The following GDAP1 variants were observed in gnomAD, a reference collection of about 807,000 sequenced individuals.
GDAP1 encodes ganglioside-induced differentiation-associated protein 1.
GDAP1 carries 34 observed loss-of-function variants against 40.1 expected under a neutral mutation model. The ratio of observed to expected loss-of-function variants is 0.85; its 90% CI spans 0.64 to 1.13. The LOEUF is 1.13. GDAP1 is among the 50% of genes most tolerant of loss of function. The pLI is 0.00. For synonymous variants in GDAP1, 170 were observed against 157.4 expected (o/e 1.08, Z -0.60); for missense variants, 374 against 433.7 (o/e 0.86, Z 1.22).
chr8:74,422,341 CTTTCTTT>C (rs1805880973), intron 2 of GDAP1, among the ~76,000 whole-genome samples: 3 of 54,388 alleles, frequency 5.5e-5, no homozygotes, highest in Admixed American at 2.3e-4. Flanking sequence ...TTCTTTCTTT[CTTTCTTT>C]CTTCCCTTCC....
intron 2 of GDAP1, among the ~76,000 whole-genome samples, chr8:74,398,165 A>C (rs899249226): frequency 2.6e-5 from 4 of 151,804 alleles, no homozygotes; most frequent in Non-Finnish European, 5.9e-5. Context: ...TTTGTCTGTT[A>C]TTGGTGTATA....
At chr8:74,487,881 A>G (rs1451293707) in intron 2 of GDAP1, among the ~76,000 whole-genome samples, 1 of 152,192 alleles carries the variant, frequency 6.6e-6, no homozygotes, top group Non-Finnish European at 1.5e-5. Flanking sequence ...GTTGAAAGAC[A>G]TGCTTGCCTA....
Position 74,364,846 on chromosome 8 carries a change from T to G in GDAP1, c.*479T>G. The G allele has an allele frequency of 2.2e-6, 1 of 454,500 alleles. No homozygotes were observed. 28.2% of individuals were successfully genotyped at this position (454,500 alleles called of 1,614,324 possible). A position where few individuals can be genotyped will look rare whatever the true frequency, so the allele number is the denominator to read the frequency against. On this transcript the variant is annotated 3_prime_UTR_variant, in exon 6 of 6. Coordinates refer to ENST00000220822, the MANE Select transcript of GDAP1 (RefSeq NM_018972.4). ...TGACCTCAGTGTTAATTTTAAATGC[T>G]TATGAATCACACACATTGCTTTAGT...
chr8:74,368,290 C>T (rs1050616601), downstream of GDAP1, among the ~76,000 whole-genome samples: 5 of 152,132 alleles, frequency 3.3e-5, no homozygotes, highest in Admixed American at 6.5e-5. Flanking sequence ...CTTTTGGTAT[C>T]TTCAGATTAA....
At chr8:74,372,891 T>C (rs1449720522) in intron 2 of GDAP1, among the ~76,000 whole-genome samples, 2 of 152,202 alleles carry the variant, frequency 1.3e-5, no homozygotes, top group Non-Finnish European at 2.9e-5. Context: ...AGGGTTTTTA[T>C]GGTTTTAGGT....
chr8:74,404,370 T>C lies in GDAP1; in HGVS notation c.165+53049T>C, dbSNP rs145523202. Among the ~76,000 whole-genome samples the C allele has an allele frequency of 8.6e-4, 129 of 149,618 alleles. 13 individuals are homozygous for C. The highest frequency in any genetic ancestry group is 3.1e-3 in the African/African-American group (123 of 39,096). ...AATATCATTAATAGTAATAGTAATATCATTTTCTAGATGATTACTATGTGC... is the reference window on the plus strand; with the variant it reads ...AATATCATTAATAGTAATAGTAATACCATTTTCTAGATGATTACTATGTGC... On this transcript the variant is annotated intron_variant, in intron 2 of 2. Coordinates refer to the GDAP1 transcript ENST00000523640.
At chr8:74,396,068 T>C (rs1392079826) in intron 2 of GDAP1, among the ~76,000 whole-genome samples, 1 of 152,136 alleles carries the variant, frequency 6.6e-6, no homozygotes, top group Non-Finnish European at 1.5e-5. Context: ...ACAAATTCCT[T>C]ACTGTGTATC....
chr8:74,463,220 G>C (rs532326838), intron 2 of GDAP1, among the ~76,000 whole-genome samples: 92 of 145,352 alleles, frequency 6.3e-4, no homozygotes, highest in Non-Finnish European at 1.1e-3. Flanking sequence ...GGGAGGCCAT[G>C]GTAGAAGGAT....
At position 74,384,565 on chromosome 8, in the gene GDAP1, G is replaced by A. The variant is rs532617234; in HGVS notation, c.165+33244G>A. 2.0e-5 allele frequency among the ~76,000 whole-genome samples: 3 copies of A among 152,218 alleles called. No homozygotes were observed. The South Asian group carries it at 6.2e-4, about 32-fold the overall frequency. On this transcript the variant is annotated intron_variant, in intron 2 of 2. Coordinates refer to the GDAP1 transcript ENST00000523640. The stretch of plus-strand genomic sequence containing the variant: ...ATTCTATCCAGGTTTTCCAAAAGTT[G>A]ATTGAGTCTTACCAACATTTTCTGT...
intron 2 of GDAP1, among the ~76,000 whole-genome samples, chr8:74,463,864 C>CA (rs1322518903): frequency 6.6e-6 from 1 of 151,310 alleles, no homozygotes; most frequent in African/African-American, 2.4e-5. Context: ...TATATAAGCA[C>CA]AAATCAATAC....
chr8:74,487,319 C>G (rs1221375206), intron 2 of GDAP1, among the ~76,000 whole-genome samples: 1 of 152,088 alleles, frequency 6.6e-6, no homozygotes, highest in African/African-American at 2.4e-5. Flanking sequence ...AATAGGAAAA[C>G]TAAGATATAT....
chr8:74,375,314 G>C (rs1000911996), intron 2 of GDAP1, among the ~76,000 whole-genome samples: 1 of 140,164 alleles, frequency 7.1e-6, no homozygotes, highest in African/African-American at 2.7e-5. Context: ...GCCATGGAGC[G>C]AGACTCTGTC....
chr8:74,356,086 G>A (rs191908464), intron 2 of GDAP1, among the ~76,000 whole-genome samples: 175 of 152,138 alleles, frequency 1.2e-3, no homozygotes, highest in African/African-American at 3.7e-3. Flanking sequence ...TCAAGAAAAG[G>A]CTCTTGTATA....
At chr8:74,403,797 G>A (rs1805598607) in intron 2 of GDAP1, among the ~76,000 whole-genome samples, 2 of 150,108 alleles carry the variant, frequency 1.3e-5, no homozygotes, top group Non-Finnish European at 2.9e-5. Context: ...TGTGAACCTT[G>A]ATGGAGCTGC....
chr8:74,401,715 T>G (rs1038880214), intron 2 of GDAP1, among the ~76,000 whole-genome samples: 1 of 149,796 alleles, frequency 6.7e-6, no homozygotes, highest in African/African-American at 2.6e-5. Context: ...ATGATGGTGA[T>G]GTACAGATGG....
intron 2 of GDAP1, among the ~76,000 whole-genome samples, chr8:74,384,878 G>T (rs114941046): frequency 2.6e-4 from 39 of 152,120 alleles, no homozygotes; most frequent in African/African-American, 8.9e-4. Flanking sequence ...AGCTGAAGTC[G>T]CAATACTGAC....
At chr8:74,426,663 A>C (rs1270228622) in intron 2 of GDAP1, among the ~76,000 whole-genome samples, 1 of 152,202 alleles carries the variant, frequency 6.6e-6, no homozygotes, top group Non-Finnish European at 1.5e-5. Flanking sequence ...TGCTGGCTAG[A>C]AGAGCCTTTT....
chr8:74,445,134 G>C (rs191727724), intron 2 of GDAP1, among the ~76,000 whole-genome samples: 52 of 152,298 alleles, frequency 3.4e-4, no homozygotes, highest in Admixed American at 2.4e-3. Context: ...GAATCATGGA[G>C]TTGGAAGGAC....
chr8:74,446,369 A>G (rs190257788), intron 2 of GDAP1, among the ~76,000 whole-genome samples: 10 of 152,216 alleles, frequency 6.6e-5, no homozygotes, highest in Admixed American at 1.3e-4. Flanking sequence ...AAGTCTAGAG[A>G]TCTGGAATTT....
Sources: gnomAD v4.1 joint callset for allele counts (sites outside exome capture counted in the v4.1 genomes callset) on GRCh38, gnomAD v4.1.1 for gene constraint, MANE v1.5 for transcripts, NCBI Gene and HGNC (gene_info 2026-07-23, HGNC 2026-07-21) for gene names.